Variants in SEC63 observed in about 807,000 individuals in gnomAD.
SEC63 encodes translocation protein SEC63 homolog.
A neutral mutation model predicts 116.2 loss-of-function variants in SEC63; 56 were observed. The ratio of observed to expected loss-of-function variants is 0.48; its 90% CI spans 0.39 to 0.60. The LOEUF is 0.60. Among genes scored for constraint, SEC63 ranks in the 20% least tolerant of loss-of-function variants. The pLI is 0.00. For missense variants in SEC63, 668 were observed against 900.0 expected (o/e 0.74, Z 3.30); for synonymous variants, 273 against 294.6 (o/e 0.93, Z 0.75).
chr6:107,934,114 CGA>C (rs1397416259), intron 1 of SEC63, among the ~76,000 whole-genome samples: 1 of 152,110 alleles, frequency 6.6e-6, no homozygotes, highest in Non-Finnish European at 1.5e-5. Context: ...CCCAAAGTGC[CGA>C]GATTGCAGCC....
In SEC63 at chr6:107,869,312, T is replaced by C. The variant is rs900356254; in HGVS notation, c.*2392A>G. 6.6e-6 allele frequency: 1 copy of C among 152,224 alleles called. No individual in the cohort carries two copies. Among genetic ancestry groups the C allele is most frequent in the African/African-American group, 2.4e-5 (1 of 41,446 alleles). 9.4% of individuals were successfully genotyped at this position (152,224 alleles called of 1,614,324 possible). On this transcript the variant is annotated 3_prime_UTR_variant, in exon 21 of 21. Coordinates refer to ENST00000369002, the MANE Select transcript of SEC63 (RefSeq NM_007214.5). ...TCAATCAAATATTATAATGCTAAAATACACAACTGCTACACTTTGAATTGT... is the reference window on the plus strand; with the variant it reads ...TCAATCAAATATTATAATGCTAAAACACACAACTGCTACACTTTGAATTGT...
intron 4 of SEC63, among the ~76,000 whole-genome samples, chr6:107,917,424 A>C (rs1470803571): frequency 6.6e-6 from 1 of 151,674 alleles, no homozygotes; most frequent in Non-Finnish European, 1.5e-5. Context: ...GGTCTCCCTG[A>C]CCGAGCTGGT....
chr6:107,945,256 T>G (rs1770456889), intron 1 of SEC63, among the ~76,000 whole-genome samples: 2 of 151,554 alleles, frequency 1.3e-5, no homozygotes, highest in South Asian at 4.2e-4. Flanking sequence ...ACGAGAAAAC[T>G]CCTACTGACA....
At chr6:107,940,926 TTTTC>T (rs1770361922) in intron 1 of SEC63, among the ~76,000 whole-genome samples, 1 of 152,158 alleles carries the variant, frequency 6.6e-6, no homozygotes, top group African/African-American at 2.4e-5. Context: ...GTCCTCCTAT[TTTTC>T]TTTTAGTCTT....
intron 13 of SEC63, among the ~76,000 whole-genome samples, chr6:107,898,002 T>C (rs1364982090): frequency 1.3e-5 from 2 of 152,190 alleles, no homozygotes; most frequent in African/African-American, 2.4e-5. Context: ...TGGTGGCTCA[T>C]GCCTGTAATC....
intron 4 of SEC63, among the ~76,000 whole-genome samples, 162 bp from the exon 5 acceptor site, chr6:107,913,589 A>T (rs558492686): frequency 6.6e-6 from 1 of 152,316 alleles, no homozygotes; most frequent in Non-Finnish European, 1.5e-5. Flanking sequence ...GAAAGGGAGG[A>T]GCAAGAAATG....
At chr6:107,939,807 G>A (rs868780932) in intron 1 of SEC63, among the ~76,000 whole-genome samples, 12 of 152,058 alleles carry the variant, frequency 7.9e-5, no homozygotes, top group South Asian at 6.2e-4. Context: ...TCCTTTAACC[G>A]TGGTTTGTTT....
At position 107,906,432 on chromosome 6, in the gene SEC63, C is replaced by A. The variant is rs755273889; in HGVS notation, c.961+16G>T. 6.2e-7 allele frequency: 1 copy of A among 1,613,700 alleles called. No individual in the cohort carries two copies. The highest frequency in any genetic ancestry group is 1.3e-5 in the African/African-American group (1 of 75,016). On this transcript the variant is annotated intron_variant, in intron 10 of 20. Coordinates refer to ENST00000369002, the MANE Select transcript of SEC63 (RefSeq NM_007214.5). ...TCATCCCACTAAACCTCTGTAGATA[C>A]CGGAATCACAAATACCTTCTTCAAG...
chr6:107,897,843 ATAT>A, intron 13 of SEC63, 112 bp from the exon 14 acceptor site: 1 of 749,542 alleles, frequency 1.3e-6, no homozygotes, highest in Non-Finnish European at 2.4e-6. Flanking sequence ...TATTTCAAGC[ATAT>A]TATATTTTAA....
intron 4 of SEC63, among the ~76,000 whole-genome samples, chr6:107,916,469 A>G (rs1187197584): frequency 3.3e-5 from 5 of 152,252 alleles, no homozygotes; most frequent in Non-Finnish European, 7.3e-5. Flanking sequence ...AAGTAAGGTG[A>G]TATCTCCCAA....
chr6:107,895,171 CTTT>C (rs1189719600), intron 14 of SEC63, among the ~76,000 whole-genome samples: 1 of 152,076 alleles, frequency 6.6e-6, no homozygotes, highest in Non-Finnish European at 1.5e-5. Flanking sequence ...CCATTCCATT[CTTT>C]TTTCTACCAA....
chr6:107,883,131 C>G lies in SEC63; in HGVS notation c.1690G>C (p.Glu564Gln). 6.2e-7 allele frequency: 1 copy of G among 1,612,338 alleles called. No homozygotes were observed. Among genetic ancestry groups the G allele is most frequent in the South Asian group, 1.1e-5 (1 of 91,064 alleles). ...GVVGNEAAVKEDEEEVSDKGS... is the reference protein window; with the variant it reads ...GVVGNEAAVKQDEEEVSDKGS... ...TTATCTGAAACTTCTTCTTCATCTT[C>G]CTTTACTGCAGCTTCCTAAAAGGGA... The change falls in exon 17 of 21, where the codon GAA becomes CAA. Residue 564 changes from glutamate to glutamine, a missense_variant. Glu to Gln is a conservative substitution (Grantham distance 29). Coordinates refer to ENST00000369002, the MANE Select transcript of SEC63 (RefSeq NM_007214.5).
chr6:107,876,493 GAT>G, intron 19 of SEC63, 69 bp downstream of exon 19: 1 of 923,490 alleles, frequency 1.1e-6, no homozygotes, highest in Non-Finnish European at 1.8e-6. Flanking sequence ...TTAAAAAAAA[GAT>G]ATATGAAGCA....
rs1212402719 is a variant in SEC63, at chr6:107,918,907, T to C, written c.452+2890A>G. ...GAGTTTGGTAGAAGCTGATTTCCTTTTTTTTTTTTTTTTTTTTTTTTGAGA... is the reference window on the plus strand; with the variant it reads ...GAGTTTGGTAGAAGCTGATTTCCTTCTTTTTTTTTTTTTTTTTTTTTGAGA... On this transcript the variant is annotated intron_variant, in intron 4 of 20. Transcript: ENST00000369002. Among the ~76,000 whole-genome samples, 6 of 77,142 alleles carry C rather than the reference T, an allele frequency of 7.8e-5. No individual in the cohort carries two copies. In the South Asian group the frequency reaches 1.4e-3, roughly 18 times the overall value. The allele number at this position is 77,142 out of a possible 152,430, so 50.6% of individuals were successfully genotyped here.
At chr6:107,872,432 T>A (rs1583717325) in intron 20 of SEC63, among the ~76,000 whole-genome samples, 1 of 152,052 alleles carries the variant, frequency 6.6e-6, no homozygotes, top group East Asian at 1.9e-4. Flanking sequence ...CTTACAGAAG[T>A]GTATGCTCTA....
At chr6:107,913,267 ATAAGT>A in intron 5 of SEC63, 94 bp downstream of exon 5, 1 of 855,600 alleles carries the variant, frequency 1.2e-6, no homozygotes, top group Non-Finnish European at 2.0e-6. Flanking sequence ...CCATGTGAGT[ATAAGT>A]TTAGTAAGAA....
chr6:107,872,358 G>C (rs1786154515), intron 20 of SEC63, among the ~76,000 whole-genome samples: 1 of 151,992 alleles, frequency 6.6e-6, no homozygotes, highest in African/African-American at 2.4e-5. Context: ...AATACAATAG[G>C]ACACCTTTTA....
At position 107,897,746 on chromosome 6, in the gene SEC63, GA is replaced by G. The variant is rs760585672; in HGVS notation, c.1358-16del. ...ATCATCTAACACTGTTAAGATGGAAGAAAAAAAACAGCAAAAAATAAAAATC... is the reference window on the plus strand; with the variant it reads ...ATCATCTAACACTGTTAAGATGGAAGAAAAAAACAGCAAAAAATAAAAATC... On this transcript the variant is annotated splice_polypyrimidine_tract_variant and intron_variant, in intron 13 of 20. Transcript: ENST00000369002. The G allele has an allele frequency of 7.1e-5, 109 of 1,533,900 alleles. 1 individual carries two copies. In the South Asian group the frequency reaches 9.1e-4, roughly 13 times the overall value.
chr6:107,914,372 C>T (rs1787352538), intron 4 of SEC63, among the ~76,000 whole-genome samples: 1 of 152,120 alleles, frequency 6.6e-6, no homozygotes. Context: ...CTTCTCAAAA[C>T]TTAAGAGGCA....
Sources: gnomAD v4.1 joint callset for allele counts (sites outside exome capture counted in the v4.1 genomes callset) on GRCh38, gnomAD v4.1.1 for gene constraint, MANE v1.5 for transcripts, NCBI Gene and HGNC (gene_info 2026-07-23, HGNC 2026-07-21) for gene names.